The following SLC5A9 variants were observed in gnomAD, a reference collection of about 807,000 sequenced individuals.
SLC5A9 encodes the protein solute carrier family 5 member 9.
Under a neutral mutation model 70.9 loss-of-function variants are expected in SLC5A9, and 59 were observed. The ratio of observed to expected loss-of-function variants is 0.83; its 90% CI spans 0.68 to 1.03. The LOEUF (loss-of-function observed/expected upper bound fraction) is 1.03, where lower values mean the gene tolerates loss of function less well. SLC5A9 is among the 50% of genes least tolerant of loss of function. The pLI is 0.00. For missense variants in SLC5A9, 832 were observed against 881.1 expected, an observed-to-expected ratio of 0.94 and a Z score of 0.71; for synonymous variants, 340 against 346.5, an observed-to-expected ratio of 0.98 and a Z score of 0.21.
chr1:48,237,085 A>G (rs1644336598), intron 10 of SLC5A9, among the ~76,000 whole-genome samples: 1 of 152,154 alleles, frequency 6.6e-6, no homozygotes, highest in Admixed American at 6.5e-5. Context: ...ACATCCAAGA[A>G]AAGTTTTTCA....
In SLC5A9 at chr1:48,237,813, T is replaced by C. The variant is rs765097977; in HGVS notation, c.1427T>C (p.Leu476Pro). 6.2e-7 allele frequency: 1 copy of C among 1,614,124 alleles called. No homozygotes were observed. Among genetic ancestry groups the C allele is most frequent in the Non-Finnish European group, 8.5e-7 (1 of 1,180,026 alleles). ...YLAPPITALF[L>P]LAIFCKRVTE... is the part of the protein sequence containing the mutation. The stretch of plus-strand genomic sequence containing the variant: ...GCCCCACCCATCACCGCTCTCTTCC[T>C]GCTGGCCATCTTCTGCAAGAGGGTC... Residue 476 changes from leucine (L) to proline (P), a missense_variant, in exon 11 of 14, where the codon CTG (leucine) becomes CCG (proline). Transcript: ENST00000438567.
rs138087820 is a variant in SLC5A9, at chr1:48,242,465, C to A, written c.1686C>A (p.Arg562=). Residue 562 remains arginine, a synonymous_variant, in exon 13 of 14, where the codon CGC becomes CGA. Coordinates refer to ENST00000438567, the MANE Select transcript of SLC5A9 (RefSeq NM_001011547.3). ...TTPIPEEQLT[R]LTWWTRNCPL... is the part of the protein sequence containing the mutation. ...GTCTTCTTTCCCTCCAGCTCACACG[C>A]CTCACATGGTGGACTCGGAACTGCC... The A allele has an allele frequency of 1.9e-3, 3,018 of 1,605,552 alleles. 6 individuals are homozygous for A. Among genetic ancestry groups the A allele is most frequent in the Middle Eastern group, 2.5e-3 (15 of 6,016 alleles).
At chr1:48,234,728 G>T (rs558692366) in intron 9 of SLC5A9, among the ~76,000 whole-genome samples, 7 of 152,282 alleles carry the variant, frequency 4.6e-5, no homozygotes, top group African/African-American at 1.4e-4. Context: ...CCTCCCTGTG[G>T]TAGAAGGAGG....
intron 9 of SLC5A9, among the ~76,000 whole-genome samples, chr1:48,234,460 G>A (rs1644299785): frequency 6.6e-6 from 1 of 152,188 alleles, no homozygotes; most frequent in Admixed American, 6.5e-5. Context: ...CTTGTGGGTA[G>A]GCAGGGAGAT....
At position 48,239,360 on chromosome 1, in the gene SLC5A9, G is replaced by A; in HGVS notation, c.1500G>A (p.Gly500=). The change falls in exon 12 of 14, where the codon GGG becomes GGA. Residue 500 remains glycine (G), a synonymous_variant. Coordinates refer to ENST00000438567, the MANE Select transcript of SLC5A9 (RefSeq NM_001011547.3). The surrounding 1 kb of genome is among the most constrained non-coding windows in gnomAD (Gnocchi z 4.2). ...GCCTCGTGTTTGGCCTGGGAGTGGG[G>A]CTTCTGCGTATGATCCTGGAGTTCT... The part of the protein sequence containing the change: ...FWGLVFGLGV[G]LLRMILEFSY... 6.2e-7 allele frequency: 1 copy of A among 1,613,806 alleles called. No homozygotes were observed. Among genetic ancestry groups the A allele is most frequent in the Non-Finnish European group, 8.5e-7 (1 of 1,179,758 alleles).
In SLC5A9 at chr1:48,233,650, C is replaced by T; in HGVS notation, c.1034-5C>T. 1.2e-6 allele frequency: 2 copies of T among 1,613,224 alleles called. No homozygotes were observed. Among genetic ancestry groups the T allele is most frequent in the Non-Finnish European group, 1.7e-6 (2 of 1,179,380 alleles). ...GGACTCTAACTGCCATTACTTCTTC[C>T]ACAGACGAGGTGGGCTGCGTGGACC... On this transcript the variant is annotated splice_region_variant and splice_polypyrimidine_tract_variant and intron_variant, in intron 8 of 13. Coordinates refer to ENST00000438567, the MANE Select transcript of SLC5A9 (RefSeq NM_001011547.3).
chr1:48,225,658 A>ACACTCACACTCACATACAAAGG (rs1557465041), intron 2 of SLC5A9, among the ~76,000 whole-genome samples: 1 of 151,970 alleles, frequency 6.6e-6, no homozygotes, highest in Non-Finnish European at 1.5e-5. Context: ...CTGACACACA[A>ACACTCACACTCACATACAAAGG]CACTCACACT....
In SLC5A9 at chr1:48,231,605, C is replaced by A. The variant is rs61730945; in HGVS notation, c.671C>A (p.Ala224Asp). The A allele has an allele frequency of 1.9e-6, 3 of 1,614,042 alleles. No homozygotes were observed. Among genetic ancestry groups the A allele is most frequent in the Non-Finnish European group, 2.5e-6 (3 of 1,180,024 alleles). Reference sequence around the variant, plus strand: ...CAGACGGTGATCATGGTAGGGGGAGCCCTGGTCCTCATGTTTCTGGGTAAG... The same window carrying A: ...CAGACGGTGATCATGGTAGGGGGAGACCTGGTCCTCATGTTTCTGGGTAAG... ...ALQTVIMVGG[A>D]LVLMFLGFQD... Residue 224 changes from alanine (A) to aspartate (D), a missense_variant, in exon 6 of 14, where the codon GCC becomes GAC. Ala to Asp is a moderately radical substitution (Grantham distance 126). Transcript: ENST00000438567.
intron 12 of SLC5A9, chr1:48,241,980 T>A: frequency 2.2e-6 from 1 of 456,408 alleles, no homozygotes; most frequent in Non-Finnish European, 4.4e-6. Flanking sequence ...TACAACATCC[T>A]CCAGGCTGGA....
Position 48,224,756 on chromosome 1 carries a change from C to T in SLC5A9, c.195C>T (p.Gly65=), listed in dbSNP as rs367753896. Residue 65 remains glycine, a synonymous_variant, in exon 2 of 14, where the codon GGC becomes GGT. Transcript: ENST00000438567. ...SSIRASRGTI[G]GYFLAGRSMS... is the part of the protein sequence containing the mutation. ...TCCGTGCAAGTCGAGGGACCATTGG[C>T]GGCTATTTCCTGGCCGGGAGGTCCA... The T allele has an allele frequency of 2.2e-5, 35 of 1,614,000 alleles. No homozygotes were observed. The African/African-American group carries it at 2.4e-4, about 11-fold the overall frequency.
intron 4 of SLC5A9, 43 bp downstream of exon 4, chr1:48,229,502 A>C: frequency 6.2e-7 from 1 of 1,606,678 alleles, no homozygotes; most frequent in South Asian, 1.1e-5. Flanking sequence ...GGAAATGCTA[A>C]TTAGGGAACT....
Position 48,226,982 on chromosome 1 carries a change from TGTGA to T in SLC5A9, c.235-1865_235-1862del, listed in dbSNP as rs372350509. Among the ~76,000 whole-genome samples, 72 of 151,840 alleles carry T rather than the reference TGTGA, an allele frequency of 4.7e-4. 1 individual carries two copies. The highest frequency in any genetic ancestry group is 1.4e-3 in the African/African-American group (56 of 41,384). On this transcript the variant is annotated intron_variant, in intron 2 of 13. Coordinates refer to ENST00000438567, the MANE Select transcript of SLC5A9 (RefSeq NM_001011547.3). ...GTGCCTGTGTGAATTTGTTTCCATGTGTGAGTATGTATGCATGTGTGAATGTGGG... is the reference window on the plus strand; with the variant it reads ...GTGCCTGTGTGAATTTGTTTCCATGTGTATGTATGCATGTGTGAATGTGGG...
chr1:48,237,527 T>C, intron 10 of SLC5A9, 152 bp from the exon 11 acceptor site: 2 of 685,950 alleles, frequency 2.9e-6, no homozygotes, highest in Non-Finnish European at 4.8e-6. Flanking sequence ...TTCTGAATCT[T>C]AGTATTTGAG....
rs113156070 is a variant in SLC5A9 at position 48,232,389 on chromosome 1, C to T, written c.920C>T (p.Ser307Leu). The T allele has an allele frequency of 4.8e-5, 78 of 1,614,160 alleles. No individual in the cohort carries two copies. The African/African-American group carries it at 7.7e-4, about 16-fold the overall frequency. Residue 307 changes from serine (S) to leucine (L), a missense_variant, in exon 8 of 14, where the codon TCG becomes TTG. Coordinates refer to ENST00000438567, the MANE Select transcript of SLC5A9 (RefSeq NM_001011547.3). ...CAGGTCATTGTGCAGCGGTCTCTCT[C>T]GGCCAAGAGTCTGTCTCATGCCAAG... ...TDQVIVQRSL[S>L]AKSLSHAKGG...
chr1:48,225,565 C>T (rs1644132064), intron 2 of SLC5A9, among the ~76,000 whole-genome samples: 1 of 152,106 alleles, frequency 6.6e-6, no homozygotes, highest in Non-Finnish European at 1.5e-5. Context: ...CCAGTGGTAG[C>T]TGAAGCAGTA....
At chr1:48,245,583 A>G (rs1056329726) in intron 13 of SLC5A9, among the ~76,000 whole-genome samples, 3 of 152,168 alleles carry the variant, frequency 2.0e-5, no homozygotes, top group South Asian at 2.1e-4. Flanking sequence ...AGAAACAAAC[A>G]TCAGGAATAT....
chr1:48,238,924 C>T (rs1644360991), intron 11 of SLC5A9, among the ~76,000 whole-genome samples: 1 of 152,194 alleles, frequency 6.6e-6, no homozygotes. Context: ...GAAGGGGATC[C>T]TGGTATTCCC....
chr1:48,225,543 G>C (rs902671262), intron 2 of SLC5A9, among the ~76,000 whole-genome samples: 2 of 152,050 alleles, frequency 1.3e-5, no homozygotes, highest in African/African-American at 4.8e-5. Context: ...ATTACCAGTA[G>C]AGTCATCAGC....
chr1:48,239,574 G>T lies in SLC5A9; in HGVS notation c.1677+37G>T, dbSNP rs755227962. 9.8e-5 allele frequency: 155 copies of T among 1,580,982 alleles called. No individual in the cohort carries two copies. The highest frequency in any genetic ancestry group is 1.3e-4 in the Non-Finnish European group (154 of 1,150,214). On this transcript the variant is annotated intron_variant, in intron 12 of 13. Coordinates refer to ENST00000438567, the MANE Select transcript of SLC5A9 (RefSeq NM_001011547.3). The surrounding 1 kb of genome is among the most constrained non-coding windows in gnomAD (Gnocchi z 4.2). ...GCTCATACTGAGGCCCTCCAGAAAT[G>T]CTCTCCCTTCCCCCATAGCCTAGAA...
Sources: gnomAD v4.1 joint callset for allele counts (sites outside exome capture counted in the v4.1 genomes callset) on GRCh38, gnomAD v4.1.1 for gene constraint, Gnocchi (gnomAD v3.1) non-coding constraint, MANE v1.5 for transcripts, NCBI Gene and HGNC (gene_info 2026-07-23, HGNC 2026-07-21) for gene names.